BOD1L1: variants seen among roughly 807,000 people sequenced by gnomAD.
BOD1L1 encodes the protein biorientation of chromosomes in cell division protein 1-like 1.
A neutral mutation model predicts 240.7 loss-of-function variants in BOD1L1; 86 were observed. That is an observed-to-expected ratio of 0.36 (90% CI 0.30 to 0.43). The LOEUF is 0.43. Ranked by LOEUF, BOD1L1 falls within the 20% of genes least tolerant of loss-of-function variation. The pLI, the probability that BOD1L1 is intolerant of heterozygous loss-of-function variation, is 1.00. For missense variants in BOD1L1, 3,554 were observed against 3,643.5 expected (o/e 0.98, Z 0.63); for synonymous variants, 1,268 against 1,272.3 (o/e 1.00, Z 0.07).
chr4:13,590,934 C>T (rs530383919), intron 13 of BOD1L1, among the ~76,000 whole-genome samples: 2 of 152,132 alleles, frequency 1.3e-5, no homozygotes, highest in South Asian at 4.1e-4. Context: ...TTGGAAAGGA[C>T]ATTTATGCTC....
intron 3 of BOD1L1, 148 bp from the exon 4 acceptor site, chr4:13,614,958 C>T: frequency 2.3e-6 from 2 of 863,776 alleles, no homozygotes; most frequent in East Asian, 2.7e-5. Context: ...GGTACCAGTA[C>T]TAGTATATAC....
At chr4:13,590,840 CT>C (rs1472366624) in intron 13 of BOD1L1, among the ~76,000 whole-genome samples, 2 of 151,900 alleles carry the variant, frequency 1.3e-5, no homozygotes, top group Non-Finnish European at 2.9e-5. Context: ...ATCAATTCTA[CT>C]GTTTTTCTTT....
At chr4:13,582,178 T>C in intron 19 of BOD1L1, 59 bp downstream of exon 19, 1 of 1,416,344 alleles carries the variant, frequency 7.1e-7, no homozygotes, top group Non-Finnish European at 9.8e-7. Context: ...ATTTAATGAA[T>C]TTAATTTGGT....
chr4:13,585,382 GAGAA>G (rs1158566691), intron 17 of BOD1L1, among the ~76,000 whole-genome samples: 3 of 152,016 alleles, frequency 2.0e-5, no homozygotes, highest in Non-Finnish European at 2.9e-5. Flanking sequence ...ATATAAATTA[GAGAA>G]AGAGAGAGGA....
At chr4:13,576,204 A>G (rs1027469604) in intron 25 of BOD1L1, among the ~76,000 whole-genome samples, 8 of 152,052 alleles carry the variant, frequency 5.3e-5, no homozygotes, top group Non-Finnish European at 1.0e-4. Flanking sequence ...CCAGCCCTGG[A>G]GTTTGCCAAA....
intron 19 of BOD1L1, 151 bp downstream of exon 19, chr4:13,582,086 T>A (rs1272358352): frequency 1.7e-6 from 1 of 598,896 alleles, no homozygotes; most frequent in Non-Finnish European, 2.9e-6. Context: ...ACTGATAAAA[T>A]GCACTGTATG....
intron 9 of BOD1L1, among the ~76,000 whole-genome samples, chr4:13,606,899 G>A (rs6822260): frequency 0.91 from 138,733 of 152,228 alleles, 64,053 homozygotes; most frequent in East Asian, 1. Context: ...AAGAGAAGAA[G>A]AGTAGCTATT....
chr4:13,605,154 G>A, intron 9 of BOD1L1, 70 bp from the exon 10 acceptor site: 3 of 1,302,680 alleles, frequency 2.3e-6, no homozygotes, highest in Non-Finnish European at 3.0e-6. Context: ...ATAACATTTG[G>A]GTGGATTTAA....
chr4:13,589,602 T>C (rs944550654), intron 14 of BOD1L1, among the ~76,000 whole-genome samples: 1 of 152,196 alleles, frequency 6.6e-6, no homozygotes, highest in African/African-American at 2.4e-5. Flanking sequence ...TGGACCTATA[T>C]ATAATTAATG....
chr4:13,602,568 T>C lies in BOD1L1; in HGVS notation c.4332A>G (p.Val1444=). 6.2e-7 allele frequency: 1 copy of C among 1,614,054 alleles called. No individual in the cohort carries two copies. Among genetic ancestry groups the C allele is most frequent in the South Asian group, 1.1e-5 (1 of 91,086 alleles). The change falls in exon 10 of 26, where the codon GTA becomes GTG. Residue 1444 remains valine (V), a synonymous_variant. Coordinates refer to ENST00000040738, the MANE Select transcript of BOD1L1 (RefSeq NM_148894.3). The part of the protein sequence containing the change: ...KKDGIAVDHV[V]GLNTEKYAET... ...CAGCATATTTTTCTGTATTCAGGCC[T>C]ACAACATGATCAACAGCAATGCCAT...
intron 14 of BOD1L1, among the ~76,000 whole-genome samples, chr4:13,590,038 T>G (rs567703085): frequency 3.9e-4 from 60 of 152,358 alleles, no homozygotes; most frequent in African/African-American, 1.3e-3. Flanking sequence ...CTAAACTGCC[T>G]GTCAGAAGTT....
chr4:13,599,975 C>T lies in BOD1L1; in HGVS notation c.6925G>A (p.Val2309Ile). 6.2e-7 allele frequency: 1 copy of T among 1,611,346 alleles called. No individual in the cohort carries two copies. The highest frequency in any genetic ancestry group is 8.5e-7 in the Non-Finnish European group (1 of 1,178,588). The change falls in exon 10 of 26, where the codon GTC (valine) becomes ATC (isoleucine). Residue 2309 changes from valine (V) to isoleucine (I), a missense_variant. Physicochemically the swap from Val to Ile is conservative, Grantham distance 29. Around this residue, in one of 2 missense-constraint regions of BOD1L1, gnomAD observed 3,393 missense variants for 3,427.1 expected, o/e 0.99. Transcript: ENST00000040738. ...GTGAGCCGATCTTCATCCTGGAGGA[C>T]AGCACCAATCATGACTGCTTCACAC... The part of the protein sequence containing the change: ...EGCEAVMIGA[V>I]LQDEDRLTIT...
Position 13,587,702 on chromosome 4 carries a change from G to A in BOD1L1, c.8350C>T (p.Pro2784Ser). The A allele has an allele frequency of 6.5e-7, 1 of 1,545,810 alleles. No individual in the cohort carries two copies. The highest frequency in any genetic ancestry group is 8.8e-7 in the Non-Finnish European group (1 of 1,138,564). ...ACAGAAACATAAATATAAATACCTGGTTCATCTTCTGAAGAGAGATAATGC... is the reference window on the plus strand; with the variant it reads ...ACAGAAACATAAATATAAATACCTGATTCATCTTCTGAAGAGAGATAATGC... The part of the protein sequence containing the change: ...KQHYLSSEDE[P>S]DDNPDVLDSR... Residue 2784 changes from proline to serine, a missense_variant, in exon 16 of 26, where the codon CCA (proline) becomes TCA (serine). Transcript: ENST00000040738.
Position 13,570,054 on chromosome 4 carries a change from T to C in BOD1L1, c.9113A>G (p.Gln3038Arg), listed in dbSNP as rs1287722055. The C allele has an allele frequency of 6.2e-7, 1 of 1,606,952 alleles. No homozygotes were observed. The change falls in exon 26 of 26, where the codon CAG (glutamine) becomes CGG (arginine). Residue 3038 changes from glutamine (Q) to arginine (R), a missense_variant. By Grantham distance (43) the Gln-to-Arg change is conservative. Coordinates refer to ENST00000040738, the MANE Select transcript of BOD1L1 (RefSeq NM_148894.3). ...CACAGGGGCTTCCTCCACCCTTTGC[T>C]GGCCTCTTGTTCGGGCCCCAGGAGG... ...VSPPGARTRG[Q>R]QRVEEAPVKK...
intron 17 of BOD1L1, among the ~76,000 whole-genome samples, chr4:13,585,040 C>A (rs958063821): frequency 1.3e-5 from 2 of 152,034 alleles, no homozygotes; most frequent in Admixed American, 1.3e-4. Flanking sequence ...TAAAAAATCA[C>A]GAAATTTAAG....
intron 1 of BOD1L1, chr4:13,624,426 T>C (rs989820194): frequency 6.6e-6 from 1 of 152,186 alleles, no homozygotes; most frequent in Non-Finnish European, 1.5e-5. Flanking sequence ...TTTTTAAAAA[T>C]TTTTGTTTTT....
intron 25 of BOD1L1, among the ~76,000 whole-genome samples, chr4:13,574,268 G>T (rs574419042): frequency 6.6e-6 from 1 of 152,218 alleles, no homozygotes; most frequent in African/African-American, 2.4e-5. Flanking sequence ...CAGTGACTCA[G>T]GCACTGACTG....
Position 13,614,182 on chromosome 4 carries a change from A to C in BOD1L1, c.1174+14T>G. 6.8e-7 allele frequency: 1 copy of C among 1,475,002 alleles called. No individual in the cohort carries two copies. Among genetic ancestry groups the C allele is most frequent in the Non-Finnish European group, 9.0e-7 (1 of 1,117,026 alleles). The allele number at this position is 1,475,002 out of a possible 1,614,324, so 91.4% of individuals were successfully genotyped here. On this transcript the variant is annotated intron_variant, in intron 4 of 25. Transcript: ENST00000040738. ...TTCTTTAAACTTTGTAGATGTTTGC[A>C]AGTTTTTATATACCTTCTTTTGTCC...
chr4:13,620,161 TCA>T (rs1231569030), intron 1 of BOD1L1, 94 bp from the exon 2 acceptor site: 1 of 1,308,228 alleles, frequency 7.6e-7, no homozygotes, highest in Non-Finnish European at 1.0e-6. Context: ...CAACAAAGTT[TCA>T]CAGTTTCTGA....
Sources: allele counts gnomAD v4.1 joint callset (sites outside exome capture counted in the v4.1 genomes callset), GRCh38; gene constraint gnomAD v4.1.1; regional missense constraint gnomAD v4.1.1; transcripts MANE v1.5; gene names NCBI Gene and HGNC (gene_info 2026-07-23, HGNC 2026-07-21).